The following ABCC4 variants were observed in gnomAD, a reference collection of about 807,000 sequenced individuals.
The protein encoded by ABCC4 is ATP-binding cassette sub-family C member 4.
In ABCC4, 102 loss-of-function variants were observed where a neutral mutation model predicts 168.5. The ratio of observed to expected loss-of-function variants is 0.61; its 90% CI spans 0.52 to 0.71. ABCC4 has a LOEUF of 0.71. Ranked by LOEUF, ABCC4 falls within the 30% of genes least tolerant of loss-of-function variation. The pLI is 0.00. For synonymous variants in ABCC4, 617 were observed against 590.7 expected, an observed-to-expected ratio of 1.04 and a Z score of -0.65; for missense variants, 1,402 against 1,605.8, an observed-to-expected ratio of 0.87 and a Z score of 2.17.
intron 1 of ABCC4, among the ~76,000 whole-genome samples, chr13:95,286,103 G>A (rs2041248870): frequency 7.0e-6 from 1 of 143,320 alleles, no homozygotes; most frequent in Admixed American, 7.1e-5. Context: ...GCTCTGCTGT[G>A]AAACTGCTTT....
At chr13:95,282,525 T>C (rs2041150731) in intron 1 of ABCC4, among the ~76,000 whole-genome samples, 1 of 151,738 alleles carries the variant, frequency 6.6e-6, no homozygotes, top group African/African-American at 2.4e-5. Context: ...TATGTTTTTC[T>C]TTTATTTTTT....
At chr13:95,273,799 GGTT>G (rs199808067) in intron 1 of ABCC4, among the ~76,000 whole-genome samples, 2,242 of 101,810 alleles carry the variant, frequency 0.022, 52 homozygotes, top group East Asian at 0.12. Context: ...AGATCTGATG[GGTT>G]TTTTTTTTGG....
Position 95,065,104 on chromosome 13 carries a change from C to T in ABCC4, c.3211-2245G>A, listed in dbSNP as rs149783203. 2.7e-3 allele frequency among the ~76,000 whole-genome samples: 415 copies of T among 152,272 alleles called. 1 individual carries two copies. Among genetic ancestry groups the T allele is most frequent in the African/African-American group, 9.4e-3 (389 of 41,562 alleles). On this transcript the variant is annotated intron_variant, in intron 25 of 30. Transcript: ENST00000645237. The stretch of plus-strand genomic sequence containing the variant: ...GCCCCCCTCCAAACAGCTGCTGCTT[C>T]TAACTCCTCCATTTTAATCTAATAA...
chr13:95,201,169 C>A (rs1020528387), intron 8 of ABCC4, among the ~76,000 whole-genome samples: 10 of 152,176 alleles, frequency 6.6e-5, no homozygotes, highest in Non-Finnish European at 1.3e-4. Flanking sequence ...AAGTTAGCCA[C>A]TGGAAAATGT....
At chr13:95,262,913 G>A (rs1309548799) in intron 1 of ABCC4, among the ~76,000 whole-genome samples, 1 of 152,184 alleles carries the variant, frequency 6.6e-6, no homozygotes, top group East Asian at 1.9e-4. Flanking sequence ...GGATTTACAG[G>A]TGTGAGCTAC....
chr13:95,260,403 A>G (rs1049093321), intron 1 of ABCC4, among the ~76,000 whole-genome samples: 3 of 152,100 alleles, frequency 2.0e-5, no homozygotes, highest in Non-Finnish European at 2.9e-5. Context: ...CCAAGATGAA[A>G]CCCAAGTGGC....
chr13:95,105,020 T>C (rs185962531), intron 20 of ABCC4, among the ~76,000 whole-genome samples: 1 of 152,192 alleles, frequency 6.6e-6, no homozygotes, highest in East Asian at 1.9e-4. Context: ...TGTGGTAATA[T>C]ATAATGAAAT....
intron 9 of ABCC4, among the ~76,000 whole-genome samples, chr13:95,193,037 G>C (rs1372990213): frequency 6.6e-6 from 1 of 152,222 alleles, no homozygotes; most frequent in Admixed American, 6.5e-5. Context: ...CTAAATATCT[G>C]GGAACACATT....
At chr13:95,238,149 G>A (rs1245696891) in intron 3 of ABCC4, among the ~76,000 whole-genome samples, 1 of 144,046 alleles carries the variant, frequency 6.9e-6, no homozygotes, top group African/African-American at 2.6e-5. Flanking sequence ...AGCCAAGATC[G>A]CGCCACTGCA....
chr13:95,182,864 G>A (rs868451060), intron 11 of ABCC4, among the ~76,000 whole-genome samples: 2 of 152,136 alleles, frequency 1.3e-5, no homozygotes, highest in South Asian at 4.1e-4. Flanking sequence ...GGTATGTCCT[G>A]TCATTTGCTA....
chr13:95,281,682 G>A (rs910772292), intron 1 of ABCC4, among the ~76,000 whole-genome samples: 3 of 152,156 alleles, frequency 2.0e-5, no homozygotes, highest in African/African-American at 7.2e-5. Flanking sequence ...GGCGAGTTCA[G>A]TCTAACAGAG....
intron 20 of ABCC4, among the ~76,000 whole-genome samples, chr13:95,091,119 G>A (rs563354453): frequency 3.7e-4 from 56 of 152,232 alleles, no homozygotes; most frequent in African/African-American, 1.2e-3. Flanking sequence ...AAGAAAATAT[G>A]AACAAAACCT....
chr13:95,025,271 CCCCACACA>C (rs2031411475), intron 30 of ABCC4, among the ~76,000 whole-genome samples: 1 of 65,680 alleles, frequency 1.5e-5, no homozygotes, highest in Non-Finnish European at 2.9e-5. Context: ...ACCCCCACAC[CCCCACACA>C]CACCCCCACA....
chr13:95,064,328 A>G (rs1265768945), intron 25 of ABCC4, among the ~76,000 whole-genome samples: 1 of 146,568 alleles, frequency 6.8e-6, no homozygotes, highest in Non-Finnish European at 1.5e-5. Flanking sequence ...AATTTCTGAG[A>G]TAATTTCACA....
At chr13:95,121,001 A>C (rs1247072066) in intron 19 of ABCC4, among the ~76,000 whole-genome samples, 1 of 152,210 alleles carries the variant, frequency 6.6e-6, no homozygotes, top group East Asian at 1.9e-4. Context: ...TTAGACCAAA[A>C]TGAGAACCAA....
Position 95,143,681 on chromosome 13 carries a change from C to T in ABCC4, c.2455+17508G>A, listed in dbSNP as rs369904685. On this transcript the variant is annotated intron_variant, in intron 19 of 30. Transcript: ENST00000645237. ...TGGTAGCACCATTCCACAGTATCTCCTATGACACCAAACACTACAAATTTC... is the reference window on the plus strand; with the variant it reads ...TGGTAGCACCATTCCACAGTATCTCTTATGACACCAAACACTACAAATTTC... Among the ~76,000 whole-genome samples, 16 of 152,272 alleles carry T rather than the reference C, an allele frequency of 1.1e-4. No individual in the cohort carries two copies. In the East Asian group the frequency reaches 1.7e-3, roughly 17 times the overall value.
At chr13:95,228,283 A>AT (rs918875330) in intron 4 of ABCC4, among the ~76,000 whole-genome samples, 7 of 151,642 alleles carry the variant, frequency 4.6e-5, no homozygotes, top group South Asian at 2.1e-4. Flanking sequence ...CGGTGCATTT[A>AT]TTTTTTTTAC....
rs1413254615 is a variant in ABCC4, at chr13:95,170,446, G to T, written c.1824+86C>A. The T allele has an allele frequency of 2.0e-5, 15 of 755,168 alleles. No individual in the cohort carries two copies. In the East Asian group the frequency reaches 3.0e-4, roughly 15 times the overall value. 46.8% of individuals were successfully genotyped at this position (755,168 alleles called of 1,614,324 possible). A position where few individuals can be genotyped will look rare whatever the true frequency, so the allele number is the denominator to read the frequency against. The stretch of plus-strand genomic sequence containing the variant: ...AAAACATGAATCCCAGCTCTGAGAA[G>T]AAAGGAACATGAAATGGAGGAAGAA... On this transcript the variant is annotated intron_variant, in intron 14 of 30. Transcript: ENST00000645237.
chr13:95,132,827 A>C (rs1261107284), intron 19 of ABCC4, among the ~76,000 whole-genome samples: 1 of 152,164 alleles, frequency 6.6e-6, no homozygotes, highest in Non-Finnish European at 1.5e-5. Context: ...AAAAGGAAAA[A>C]GACTGTTTGA....
Sources: gnomAD v4.1 joint callset for allele counts (sites outside exome capture counted in the v4.1 genomes callset) on GRCh38, gnomAD v4.1.1 for gene constraint, MANE v1.5 for transcripts, NCBI Gene and HGNC (gene_info 2026-07-23, HGNC 2026-07-21) for gene names.